KMT2C: variants seen among roughly 807,000 people sequenced by gnomAD.
KMT2C encodes the protein lysine methyltransferase 2C, also known as histone-lysine N-methyltransferase 2C.
KMT2C carries 88 observed loss-of-function variants against 507.9 expected under a neutral mutation model. That is an observed-to-expected ratio of 0.17 (90% CI 0.15 to 0.21). KMT2C has a LOEUF of 0.21. Among genes scored for constraint, KMT2C ranks in the 10% least tolerant of loss-of-function variants. The pLI, the probability that KMT2C is intolerant of heterozygous loss-of-function variation, is 1.00. For missense variants in KMT2C, 4,954 were observed against 5,957.8 expected (o/e 0.83, Z 5.55); for synonymous variants, 2,049 against 2,080.8 (o/e 0.98, Z 0.42).
At chr7:152,279,493 C>T (rs940797139) in intron 6 of KMT2C, among the ~76,000 whole-genome samples, 2 of 151,368 alleles carry the variant, frequency 1.3e-5, no homozygotes, top group African/African-American at 4.9e-5. Flanking sequence ...TAATGAGATC[C>T]GAGGTTTAAA....
intron 6 of KMT2C, among the ~76,000 whole-genome samples, chr7:152,288,665 C>T (rs370874207): frequency 1.3e-5 from 2 of 151,998 alleles, no homozygotes; most frequent in African/African-American, 2.4e-5. Context: ...AACAATTATT[C>T]GAAGACCCAC....
chr7:152,192,669 G>T (rs2093837588), intron 31 of KMT2C, among the ~76,000 whole-genome samples: 1 of 152,094 alleles, frequency 6.6e-6, no homozygotes, highest in Non-Finnish European at 1.5e-5. Flanking sequence ...ATGTTTAGAG[G>T]CTAAACTGGT....
At chr7:152,319,956 T>C (rs1209885279) in intron 3 of KMT2C, among the ~76,000 whole-genome samples, 1 of 152,030 alleles carries the variant, frequency 6.6e-6, no homozygotes, top group Non-Finnish European at 1.5e-5. Context: ...CTTTGTCTTG[T>C]ATCCAATACA....
chr7:152,260,181 G>C (rs1386241090), intron 9 of KMT2C, among the ~76,000 whole-genome samples: 4 of 152,154 alleles, frequency 2.6e-5, no homozygotes, highest in Non-Finnish European at 5.9e-5. Context: ...CATAAGCTTT[G>C]AACCACCACA....
At chr7:152,147,564 G>A (rs964322725) in intron 52 of KMT2C, among the ~76,000 whole-genome samples, 23 of 151,426 alleles carry the variant, frequency 1.5e-4, no homozygotes, top group African/African-American at 5.1e-4. Context: ...AAAATTAGCC[G>A]GGCATGGTAG....
rs1186337647 is a variant in KMT2C, at chr7:152,205,188, A to C, written c.3879T>G (p.Thr1293=). Residue 1293 remains threonine (T), a synonymous_variant, in exon 25 of 59, where the codon ACT becomes ACG. Coordinates refer to ENST00000262189, the MANE Select transcript of KMT2C (RefSeq NM_170606.3). The part of the protein sequence containing the change: ...GGFMVRQRSR[T]GQGKTKRSVI... ...CAGATCTTTTGGTTTTCCCTTGCCC[A>C]GTTCGACTTCTTTGCCGCACCATAA... 27 of 1,611,268 alleles carry C rather than the reference A, an allele frequency of 1.7e-5. No individual in the cohort carries two copies. Among genetic ancestry groups the C allele is most frequent in the Non-Finnish European group, 2.1e-5 (25 of 1,178,534 alleles).
intron 1 of KMT2C, among the ~76,000 whole-genome samples, chr7:152,401,370 A>C (rs2097572178): frequency 6.8e-6 from 1 of 147,792 alleles, no homozygotes; most frequent in Non-Finnish European, 1.5e-5. Context: ...GTGAGCCACC[A>C]CGTCCAGCCC....
chr7:152,290,336 A>T (rs1355481461), intron 6 of KMT2C, among the ~76,000 whole-genome samples: 1 of 102,692 alleles, frequency 9.7e-6, no homozygotes, highest in Non-Finnish European at 1.8e-5. Flanking sequence ...TCTGAGATGG[A>T]GTCTCACTCT....
intron 3 of KMT2C, among the ~76,000 whole-genome samples, chr7:152,323,861 G>T (rs1420696661): frequency 6.6e-6 from 1 of 151,186 alleles, no homozygotes; most frequent in Non-Finnish European, 1.5e-5. Flanking sequence ...AGAGAAGCGG[G>T]AGGGACCTGT....
intron 16 of KMT2C, among the ~76,000 whole-genome samples, chr7:152,231,285 A>G (rs1162838073): frequency 6.6e-6 from 1 of 152,238 alleles, no homozygotes; most frequent in Non-Finnish European, 1.5e-5. Flanking sequence ...TAATTTCTAG[A>G]GTGATTATGA....
chr7:152,342,118 C>T (rs983412895), intron 2 of KMT2C, among the ~76,000 whole-genome samples: 1 of 152,106 alleles, frequency 6.6e-6, no homozygotes, highest in African/African-American at 2.4e-5. Flanking sequence ...CAATTAAATA[C>T]TAACATCTGA....
At chr7:152,270,218 T>C (rs551689078) in intron 7 of KMT2C, among the ~76,000 whole-genome samples, 12 of 152,248 alleles carry the variant, frequency 7.9e-5, no homozygotes, top group East Asian at 1.9e-4. Context: ...GACCGTATCA[T>C]TGGCAGGTAG....
intron 2 of KMT2C, among the ~76,000 whole-genome samples, chr7:152,341,033 AAAAT>A (rs1332094329): frequency 2.6e-5 from 4 of 152,224 alleles, no homozygotes; most frequent in African/African-American, 9.6e-5. Flanking sequence ...AAAAGAAACT[AAAAT>A]AAACCAACAA....
intron 24 of KMT2C, among the ~76,000 whole-genome samples, chr7:152,206,919 T>C (rs917181231): frequency 9.2e-5 from 14 of 152,076 alleles, no homozygotes; most frequent in African/African-American, 3.1e-4. Context: ...AATAAGTTTT[T>C]TCAAAAAAAG....
intron 42 of KMT2C, among the ~76,000 whole-genome samples, chr7:152,166,699 A>C (rs1196541643): frequency 6.6e-6 from 1 of 152,200 alleles, no homozygotes; most frequent in Non-Finnish European, 1.5e-5. Context: ...ACTCCAAGTA[A>C]ACAAAAATAC....
intron 3 of KMT2C, among the ~76,000 whole-genome samples, chr7:152,322,509 T>C (rs2096781537): frequency 1.3e-5 from 2 of 152,100 alleles, no homozygotes; most frequent in South Asian, 2.1e-4. Flanking sequence ...TATATCCATA[T>C]GCACAAGAAT....
chr7:152,299,319 A>AAAATAAATAAATAAATAAATAAATAAAT (rs71294474), intron 6 of KMT2C, among the ~76,000 whole-genome samples: 1 of 146,670 alleles, frequency 6.8e-6, no homozygotes, highest in African/African-American at 2.6e-5. Context: ...TCTATCTCAA[A>AAAATAAATAAATAAATAAATAAATAAAT]AAATAAATAA....
At chr7:152,196,841 A>T (rs895209971) in intron 27 of KMT2C, among the ~76,000 whole-genome samples, 19 of 152,344 alleles carry the variant, frequency 1.2e-4, no homozygotes, top group African/African-American at 3.8e-4. Context: ...GGCAAAGCAG[A>T]CATAAAGCCC....
chr7:152,159,131 T>C (rs2129101782), intron 43 of KMT2C, 59 bp from the exon 44 acceptor site: 1 of 1,435,420 alleles, frequency 7.0e-7, no homozygotes. Context: ...GGTTTTTAGT[T>C]CATGCAGTGC....
Sources: allele counts gnomAD v4.1 joint callset (sites outside exome capture counted in the v4.1 genomes callset), GRCh38; gene constraint gnomAD v4.1.1; transcripts MANE v1.5; gene names NCBI Gene and HGNC (gene_info 2026-07-23, HGNC 2026-07-21).